The following TMEM117 variants were observed in gnomAD, a reference collection of about 807,000 sequenced individuals.
The protein encoded by TMEM117 is transmembrane protein 117.
Under a neutral mutation model 52.4 loss-of-function variants are expected in TMEM117, and 27 were observed. The ratio of observed to expected loss-of-function variants is 0.51; its 90% CI spans 0.38 to 0.71. The LOEUF (loss-of-function observed/expected upper bound fraction) is 0.71. TMEM117 is among the 30% of genes least tolerant of loss of function. The pLI is 0.00. For synonymous variants in TMEM117, 215 were observed against 206.3 expected, an observed-to-expected ratio of 1.04 and a Z score of -0.36; for missense variants, 556 against 630.5, an observed-to-expected ratio of 0.88 and a Z score of 1.26.
intron 3 of TMEM117, among the ~76,000 whole-genome samples, chr12:44,023,112 A>G (rs1946479175): frequency 3.3e-5 from 5 of 152,190 alleles, no homozygotes; most frequent in Admixed American, 1.3e-4. Flanking sequence ...AGTGGGAATG[A>G]TGATTTCCAG....
At chr12:44,293,557 A>C (rs1950731433) in intron 5 of TMEM117, among the ~76,000 whole-genome samples, 1 of 151,182 alleles carries the variant, frequency 6.6e-6, no homozygotes, top group Admixed American at 6.6e-5. Flanking sequence ...TATATTTTTA[A>C]TTCCTTTTTG....
chr12:44,225,095 G>C (rs1376910658), intron 5 of TMEM117, among the ~76,000 whole-genome samples: 1 of 152,064 alleles, frequency 6.6e-6, no homozygotes, highest in Non-Finnish European at 1.5e-5. Context: ...ATTTTTATGT[G>C]TCTTCATGTT....
chr12:43,834,452 A>G (rs1312379331), upstream of TMEM117, among the ~76,000 whole-genome samples: 4 of 152,174 alleles, frequency 2.6e-5, no homozygotes, highest in East Asian at 7.7e-4. Flanking sequence ...GTAGTGGGAG[A>G]AAAAAGAAGT....
chr12:44,274,405 A>G (rs971638290), intron 5 of TMEM117, among the ~76,000 whole-genome samples: 3 of 152,198 alleles, frequency 2.0e-5, no homozygotes, highest in African/African-American at 2.4e-5. Flanking sequence ...ATTCAATGCA[A>G]TCTCTATCAA....
In TMEM117 at chr12:44,170,274, T is replaced by TCA. The variant is rs1160022831; in HGVS notation, c.510+26656_510+26657dup. ...ACACATGGACACAGGGTGGGGAACA[T>TCA]CACACACTGGGGCCTGCTGGGGGGT... is the stretch of plus-strand genomic sequence containing the variant. On this transcript the variant is annotated intron_variant, in intron 4 of 7. Coordinates refer to ENST00000266534, the MANE Select transcript of TMEM117 (RefSeq NM_032256.3). Among the ~76,000 whole-genome samples, 272 of 113,838 alleles carry TCA rather than the reference T, an allele frequency of 2.4e-3. 2 individuals carry two copies. Among genetic ancestry groups the TCA allele is most frequent in the Non-Finnish European group, 3.6e-3 (221 of 60,794 alleles). 74.7% of individuals were successfully genotyped at this position (113,838 alleles called of 152,430 possible).
chr12:44,378,418 A>G (rs1451119480), intron 7 of TMEM117, among the ~76,000 whole-genome samples: 1 of 152,198 alleles, frequency 6.6e-6, no homozygotes, highest in Non-Finnish European at 1.5e-5. Flanking sequence ...TAAGAAGATG[A>G]ATATAAAATT....
chr12:43,897,321 T>C (rs866155309), intron 2 of TMEM117, among the ~76,000 whole-genome samples: 43 of 151,234 alleles, frequency 2.8e-4, no homozygotes, highest in Middle Eastern at 3.2e-3. Flanking sequence ...TCTTTTTTTT[T>C]TTTTTTTTGA....
At chr12:43,915,494 T>A (rs1009260488) in intron 2 of TMEM117, among the ~76,000 whole-genome samples, 1 of 152,174 alleles carries the variant, frequency 6.6e-6, no homozygotes, top group African/African-American at 2.4e-5. Context: ...ATTTCAAATA[T>A]CAGTGCTTCT....
chr12:43,806,203 C>A, the TMEM117 span: 1 of 1,539,692 alleles, frequency 6.5e-7, no homozygotes, highest in Non-Finnish European at 8.7e-7. Context: ...CCCTGCGAGT[C>A]GCGCCGGGCG....
rs577367632 is a variant in TMEM117, at chr12:44,246,172, T to C, written c.608+34785T>C. ...CATGCATAAAGGTAGGAGTTTTATT[T>C]TTGCAAGTACAGTAATGGACACTTT... On this transcript the variant is annotated intron_variant, in intron 5 of 7. Coordinates refer to ENST00000266534, the MANE Select transcript of TMEM117 (RefSeq NM_032256.3). 5.3e-5 allele frequency among the ~76,000 whole-genome samples: 8 copies of C among 152,260 alleles called. No homozygotes were observed. The South Asian group carries it at 1.7e-3, about 32-fold the overall frequency.
intron 2 of TMEM117, among the ~76,000 whole-genome samples, chr12:43,911,730 A>G (rs977824113): frequency 1.6e-4 from 23 of 146,466 alleles, no homozygotes; most frequent in African/African-American, 5.7e-4. Context: ...TATGCAGCCA[A>G]AAAACACATG....
At chr12:44,115,175 C>A (rs1249584466) in intron 3 of TMEM117, among the ~76,000 whole-genome samples, 1 of 152,206 alleles carries the variant, frequency 6.6e-6, no homozygotes, top group African/African-American at 2.4e-5. Context: ...CTGCAGAATT[C>A]TCTGCACTGT....
Position 43,922,166 on chromosome 12 carries a change from C to A in TMEM117, c.278-22044C>A, listed in dbSNP as rs373197301. Among the ~76,000 whole-genome samples, 180 of 152,234 alleles carry A rather than the reference C, an allele frequency of 1.2e-3. 1 individual carries two copies. Among genetic ancestry groups the A allele is most frequent in the African/African-American group, 3.7e-3 (155 of 41,564 alleles). On this transcript the variant is annotated intron_variant, in intron 2 of 7. Transcript: ENST00000266534. The stretch of plus-strand genomic sequence containing the variant: ...GTTTCTCTTAACACTTGTGTGGTCT[C>A]TCTTTCTGTCTCTGCTTCTCTCTGT...
At chr12:43,864,437 C>G (rs1943547656) in intron 2 of TMEM117, among the ~76,000 whole-genome samples, 1 of 152,172 alleles carries the variant, frequency 6.6e-6, no homozygotes, top group Non-Finnish European at 1.5e-5. Flanking sequence ...CACTCTGTAT[C>G]TAGCTCAAGG....
chr12:44,313,985 TG>T (rs1951022831), intron 6 of TMEM117, among the ~76,000 whole-genome samples: 1 of 152,186 alleles, frequency 6.6e-6, no homozygotes, highest in Non-Finnish European at 1.5e-5. Flanking sequence ...GTTGTTTATC[TG>T]GTCTAGGAGC....
intron 4 of TMEM117, among the ~76,000 whole-genome samples, chr12:44,152,840 A>ATACATTATGTATAATG (rs1260703754): frequency 2.4e-4 from 35 of 144,698 alleles, no homozygotes; most frequent in African/African-American, 8.5e-4. Context: ...TATTGTATTT[A>ATACATTATGTATAATG]TATAAATACA....
chr12:44,244,612 TA>T (rs1214392338), intron 5 of TMEM117, among the ~76,000 whole-genome samples: 1 of 152,020 alleles, frequency 6.6e-6, no homozygotes, highest in African/African-American at 2.4e-5. Context: ...CCTTATCAAA[TA>T]TATTGATTTC....
chr12:44,268,693 A>G (rs1302339558), intron 5 of TMEM117, among the ~76,000 whole-genome samples: 1 of 152,174 alleles, frequency 6.6e-6, no homozygotes, highest in African/African-American at 2.4e-5. Context: ...TTGGCAAACT[A>G]GTAGGTGTAT....
intron 5 of TMEM117, among the ~76,000 whole-genome samples, chr12:44,293,061 T>C (rs1344920845): frequency 2.6e-5 from 4 of 152,028 alleles, no homozygotes; most frequent in African/African-American, 9.7e-5. Flanking sequence ...GTCTCTTTTT[T>C]TTCAGTTCTG....
Sources: gnomAD v4.1 joint callset for allele counts (sites outside exome capture counted in the v4.1 genomes callset) on GRCh38, gnomAD v4.1.1 for gene constraint, MANE v1.5 for transcripts, NCBI Gene and HGNC (gene_info 2026-07-23, HGNC 2026-07-21) for gene names.